Variants in KCNH2 observed in about 807,000 individuals in gnomAD.
KCNH2 encodes the protein potassium voltage-gated channel subfamily H member 2.
Under a neutral mutation model 95.9 loss-of-function variants are expected in KCNH2, and 35 were observed. The ratio of observed to expected loss-of-function variants is 0.37; its 90% confidence interval spans 0.28 to 0.48. KCNH2 has a LOEUF of 0.48. Among genes scored for constraint, KCNH2 ranks in the 20% least tolerant of loss-of-function variants. The pLI is 0.99. For missense variants in KCNH2, 1,274 were observed against 1,702.9 expected (o/e 0.75, Z 4.43); for synonymous variants, 786 against 754.7 (o/e 1.04, Z -0.68).
Position 150,946,006 on chromosome 7 carries a change from T to G in KCNH2, c.3331-492A>C, listed in dbSNP as rs1346578574. On this transcript the variant is annotated intron_variant, in intron 14 of 14. Transcript: ENST00000262186. This position sits in a 1 kb window ranked among gnomAD's most constrained non-coding sequence, Gnocchi z 6.5. ...GCAGGCGGGAGGGGTTTGTGGGTAC[T>G]GAGCGTCTGCTGGTGAGAGCTCTGC... Among the ~76,000 whole-genome samples, 1 of 152,132 alleles carries G rather than the reference T, an allele frequency of 6.6e-6. No individual in the cohort carries two copies. Among genetic ancestry groups the G allele is most frequent in the Non-Finnish European group, 1.5e-5 (1 of 68,016 alleles).
rs199473436 is a variant in KCNH2 at position 150,947,842 on chromosome 7, G to A, written c.2729C>T (p.Pro910Leu). The change falls in exon 12 of 15, where the codon CCG becomes CTG. Residue 910 changes from proline to leucine, a missense_variant. By Grantham distance (98) the Pro-to-Leu change is moderately conservative (BLOSUM62 -3). Coordinates refer to ENST00000262186, the MANE Select transcript of KCNH2 (RefSeq NM_000238.4). ...EQPGEVSALG[P>L]GRAGAGPSSR... ...ACTCGGCCCTGCCCCCGCCCGGCCC[G>A]GCCCCAAGGCCGACACCTCCCCTGG... 9.4e-5 allele frequency: 144 copies of A among 1,525,476 alleles called. No individual in the cohort carries two copies. Among genetic ancestry groups the A allele is most frequent in the African/African-American group, 5.9e-4 (43 of 72,764 alleles). 94.5% of individuals were successfully genotyped at this position (1,525,476 alleles called of 1,614,324 possible).
In KCNH2 at chr7:150,974,802, C is replaced by T. The variant is rs1801934562; in HGVS notation, c.216G>A (p.Pro72=). The change falls in exon 2 of 15, where the codon CCG becomes CCA. Residue 72 remains proline (P), a synonymous_variant. Coordinates refer to ENST00000262186, the MANE Select transcript of KCNH2 (RefSeq NM_000238.4). ...RPCTCDFLHG[P]RTQRRAAAQI... The stretch of plus-strand genomic sequence containing the variant: ...GCGCGGCAGCGCGGCGCTGCGTGCG[C>T]GGCCCGTGCAGGAAGTCGCAGGTGC... 3 of 1,604,904 alleles carry T rather than the reference C, an allele frequency of 1.9e-6. No homozygotes were observed. Among genetic ancestry groups the T allele is most frequent in the East Asian group, 2.3e-5 (1 of 44,408 alleles).
intron 2 of KCNH2, 68 bp downstream of exon 2, chr7:150,974,643 C>G: frequency 9.4e-7 from 1 of 1,059,678 alleles, no homozygotes; most frequent in Non-Finnish European, 1.4e-6. Context: ...ACGCACCCTG[C>G]CCCTCGCCGT....
At chr7:150,957,641 A>G in intron 4 of KCNH2, 139 bp from the exon 5 acceptor site, 2 of 717,530 alleles carry the variant, frequency 2.8e-6, no homozygotes. Context: ...GGGAGTCACA[A>G]GAAACAAGAG....
At chr7:150,977,732 C>G (rs1054777203) in intron 1 of KCNH2, 106 bp downstream of exon 1, 2 of 953,278 alleles carry the variant, frequency 2.1e-6, no homozygotes, top group African/African-American at 1.7e-5. Flanking sequence ...CCCATTGACT[C>G]GCACTTGCCG....
intron 5 of KCNH2, chr7:150,955,328 C>T (rs1801328781): frequency 6.8e-7 from 1 of 1,462,636 alleles, no homozygotes; most frequent in Non-Finnish European, 9.4e-7. Flanking sequence ...GAGTCAGAGC[C>T]CTTGGGCCAG....
intron 2 of KCNH2, among the ~76,000 whole-genome samples, chr7:150,971,581 C>A (rs866262430): frequency 6.6e-6 from 1 of 151,772 alleles, no homozygotes; most frequent in Non-Finnish European, 1.5e-5. Flanking sequence ...ATAGAGGCTC[C>A]GAGGGGTGGG....
intron 5 of KCNH2, chr7:150,955,632 G>A: frequency 7.0e-7 from 1 of 1,426,404 alleles, no homozygotes; most frequent in Non-Finnish European, 9.2e-7. Flanking sequence ...AACCAGAGCA[G>A]CCCCTGGCAT....
rs1268684146 is a variant in KCNH2 at position 150,978,269 on chromosome 7, C to T, written c.-356G>A. The T allele has an allele frequency of 6.8e-6, 1 of 146,814 alleles. No individual in the cohort carries two copies. The highest frequency in any genetic ancestry group is 1.5e-5 in the Non-Finnish European group (1 of 65,934). The allele number at this position is 146,814 out of a possible 1,614,324, so 9.1% of individuals were successfully genotyped here. On this transcript the variant is annotated 5_prime_UTR_variant, in exon 1 of 15. Coordinates refer to ENST00000262186, the MANE Select transcript of KCNH2 (RefSeq NM_000238.4). ...CCTGCCACCGCGCCGACAGCCGCTC[C>T]AGCGCCCGCGGCTCGGGCAGCGCCT...
chr7:150,948,981 G>A lies in KCNH2; in HGVS notation c.2467C>T (p.Arg823Trp), dbSNP rs199473538. ...ARPGKSNGDV[R>W]ALTYCDLHKI... ...TGTAGGTCACAGTAGGTGAGGGCCCGCACATCCCCGTTCGACTTGCCAGGC... is the reference window on the plus strand; with the variant it reads ...TGTAGGTCACAGTAGGTGAGGGCCCACACATCCCCGTTCGACTTGCCAGGC... Residue 823 changes from arginine to tryptophan, a missense_variant, in exon 10 of 15, where the codon CGG becomes TGG. Arg to Trp is a moderately radical substitution (Grantham distance 101). Coordinates refer to ENST00000262186, the MANE Select transcript of KCNH2 (RefSeq NM_000238.4). 1.2e-6 allele frequency: 2 copies of A among 1,613,632 alleles called. No individual in the cohort carries two copies. The highest frequency in any genetic ancestry group is 1.7e-6 in the Non-Finnish European group (2 of 1,179,906).
Position 150,952,532 on chromosome 7 carries a change from T to C in KCNH2, c.1450A>G (p.Ser484Gly). The C allele has an allele frequency of 6.2e-7, 1 of 1,614,156 alleles. No homozygotes were observed. Among genetic ancestry groups the C allele is most frequent in the Non-Finnish European group, 8.5e-7 (1 of 1,180,014 alleles). The stretch of plus-strand genomic sequence containing the variant: ...TGGACGGCGATGCGGCCGGGGTGGC[T>C]GACCACCTCCTCGTTGGCATTGACG... ...TYVNANEEVV[S>G]HPGRIAVHYF... Residue 484 changes from serine (S) to glycine (G), a missense_variant, in exon 6 of 15, where the codon AGC (serine) becomes GGC (glycine). Physicochemically the swap from Ser to Gly is moderately conservative, Grantham distance 56. Around this residue, in one of 7 missense-constraint regions of KCNH2, gnomAD observed 147 missense variants for 344.4 expected, o/e 0.43. Coordinates refer to ENST00000262186, the MANE Select transcript of KCNH2 (RefSeq NM_000238.4). The surrounding 1 kb of genome is among the most constrained non-coding windows in gnomAD (Gnocchi z 7.3).
At chr7:150,965,032 G>GAGAGAC (rs1801665414) in intron 2 of KCNH2, among the ~76,000 whole-genome samples, 2 of 152,032 alleles carry the variant, frequency 1.3e-5, no homozygotes, top group Non-Finnish European at 2.9e-5. Context: ...GAAGGAGGGA[G>GAGAGAC]AGAGACAGAG....
chr7:150,949,109 C>T, intron 9 of KCNH2, 60 bp from the exon 10 acceptor site: 6 of 1,484,750 alleles, frequency 4.0e-6, no homozygotes, highest in Non-Finnish European at 5.6e-6. Flanking sequence ...AGGCAGCAGG[C>T]ACCTTCTCCC....
intron 2 of KCNH2, among the ~76,000 whole-genome samples, chr7:150,964,909 C>T (rs892377617): frequency 2.0e-5 from 3 of 152,166 alleles, no homozygotes; most frequent in Admixed American, 6.5e-5. Context: ...AGGGGGCCAC[C>T]GTGTCACTAA....
chr7:150,974,651 C>CCGG, intron 2 of KCNH2, 60 bp downstream of exon 2: 1 of 1,350,014 alleles, frequency 7.4e-7, no homozygotes, highest in Non-Finnish European at 1.0e-6. Context: ...TGCCCCTCGC[C>CCGG]GTGGTCCCGC....
At position 150,959,601 on chromosome 7, in the gene KCNH2, C is replaced by T. The variant is rs374912424; in HGVS notation, c.443G>A (p.Arg148Gln). 25 of 1,614,004 alleles carry T rather than the reference C, an allele frequency of 1.5e-5. No homozygotes were observed. In the African/African-American group the frequency reaches 1.7e-4, roughly 11 times the overall value. The change falls in exon 3 of 15, where the codon CGG becomes CAG. Residue 148 changes from arginine (R) to glutamine (Q), a missense_variant. By Grantham distance (43) the Arg-to-Gln change is conservative. Coordinates refer to ENST00000262186, the MANE Select transcript of KCNH2 (RefSeq NM_000238.4). The part of the protein sequence containing the change: ...VGSPAHDTNH[R>Q]GPPTSWLAPG... Reference sequence around the variant, plus strand: ...GGCCAGCCAGCTGGTGGGGGGGCCCCGGTGGTTGGTGTCATGAGCCGGGGA... The same window carrying T: ...GGCCAGCCAGCTGGTGGGGGGGCCCTGGTGGTTGGTGTCATGAGCCGGGGA...
intron 5 of KCNH2, chr7:150,955,995 G>C (rs1801364655): frequency 3.6e-6 from 1 of 279,176 alleles, no homozygotes; most frequent in African/African-American, 2.3e-5. Flanking sequence ...TGTCACCGCA[G>C]ATTAATGGTC....
Position 150,958,225 on chromosome 7 carries a change from C to T in KCNH2, c.750G>A (p.Ser250=). 7.3e-7 allele frequency: 1 copy of T among 1,374,352 alleles called. No homozygotes were observed. Among genetic ancestry groups the T allele is most frequent in the Non-Finnish European group, 9.4e-7 (1 of 1,067,128 alleles). 85.1% of individuals were successfully genotyped at this position (1,374,352 alleles called of 1,614,324 possible). ...PPRSAPGQLP[S]PRAHSLNPDA... ...CGGGGTTGAGGCTGTGCGCCCGGGGCGATGGGAGCTGGCCGGGCGCGCTGC... is the reference window on the plus strand; with the variant it reads ...CGGGGTTGAGGCTGTGCGCCCGGGGTGATGGGAGCTGGCCGGGCGCGCTGC... Residue 250 remains serine, a synonymous_variant, in exon 4 of 15, where the codon TCG becomes TCA. Transcript: ENST00000262186.
chr7:150,945,608 A>G lies in KCNH2; in HGVS notation c.3331-94T>C, dbSNP rs1030219673. 1.5e-5 allele frequency: 20 copies of G among 1,327,032 alleles called. No homozygotes were observed. The Admixed American group carries it at 3.4e-4, about 22-fold the overall frequency. The allele number at this position is 1,327,032 out of a possible 1,614,324, so 82.2% of individuals were successfully genotyped here. On this transcript the variant is annotated intron_variant, in intron 14 of 14. Coordinates refer to ENST00000262186, the MANE Select transcript of KCNH2 (RefSeq NM_000238.4). This position sits in a 1 kb window ranked among gnomAD's most constrained non-coding sequence, Gnocchi z 5.6. The stretch of plus-strand genomic sequence containing the variant: ...AGGAGAACCCGGGGACAGAGGATGG[A>G]CGGGAGGACAGGAGGGCCAAGAGGA...
Sources: gnomAD v4.1 joint callset for allele counts (sites outside exome capture counted in the v4.1 genomes callset) on GRCh38, gnomAD v4.1.1 for gene constraint, gnomAD v4.1.1 regional missense constraint, Gnocchi (gnomAD v3.1) non-coding constraint, MANE v1.5 for transcripts, NCBI Gene and HGNC (gene_info 2026-07-23, HGNC 2026-07-21) for gene names.